XRN2: variants seen among roughly 807,000 people sequenced by gnomAD.
XRN2 encodes 5'-3' exoribonuclease 2, also known as DHM1-like protein.
A neutral mutation model predicts 138.5 loss-of-function variants in XRN2; 44 were observed. That is an observed-to-expected ratio of 0.32 (90% CI 0.25 to 0.41). The LOEUF (loss-of-function observed/expected upper bound fraction) is 0.41. Among genes scored for constraint, XRN2 ranks in the 10% least tolerant of loss-of-function variants. The pLI, the probability that XRN2 is intolerant of heterozygous loss-of-function variation, is 1.00. For synonymous variants in XRN2, 354 were observed against 369.4 expected, an observed-to-expected ratio of 0.96 and a Z score of 0.48; for missense variants, 937 against 1,169.3, an observed-to-expected ratio of 0.80 and a Z score of 2.90.
Position 21,377,257 on chromosome 20 carries a change from G to GTTTTTTTTTTTTTTT in XRN2, c.2585-4731_2585-4730insTTTTTTTTTTTTTTT, listed in dbSNP as rs1166479171. On this transcript the variant is annotated intron_variant, in intron 27 of 29. Coordinates refer to ENST00000377191, the MANE Select transcript of XRN2 (RefSeq NM_012255.5). ...GCATAGTCCAACATATGATTTGTCGGTTTTTTCTTTTTTTTTTTTTTGGTC... is the reference window on the plus strand; with the variant it reads ...GCATAGTCCAACATATGATTTGTCGGTTTTTTTTTTTTTTTTTTTTTCTTTTTTTTTTTTTTGGTC... Among the ~76,000 whole-genome samples, 2 of 30,312 alleles carry GTTTTTTTTTTTTTTT rather than the reference G, an allele frequency of 6.6e-5. 1 individual carries two copies. Among genetic ancestry groups the GTTTTTTTTTTTTTTT allele is most frequent in the Non-Finnish European group, 1.1e-4 (2 of 17,492 alleles). 19.9% of individuals were successfully genotyped at this position (30,312 alleles called of 152,430 possible).
At chr20:21,368,808 T>A (rs1219014178) in intron 27 of XRN2, among the ~76,000 whole-genome samples, 1 of 152,188 alleles carries the variant, frequency 6.6e-6, no homozygotes, top group African/African-American at 2.4e-5. Flanking sequence ...TGTATATATT[T>A]ATGGGGAACA....
At chr20:21,306,930 C>G (rs2037818898) in intron 1 of XRN2, among the ~76,000 whole-genome samples, 1 of 76,186 alleles carries the variant, frequency 1.3e-5, no homozygotes, top group African/African-American at 3.6e-5. Context: ...CACTTGCACC[C>G]GGGAGACAGA....
At chr20:21,349,162 A>G (rs1009374018) in intron 19 of XRN2, among the ~76,000 whole-genome samples, 1 of 152,202 alleles carries the variant, frequency 6.6e-6, no homozygotes, top group Non-Finnish European at 1.5e-5. Context: ...ATAGTTGTCA[A>G]TTCTAAAATT....
rs569383604 is a variant in XRN2 at position 21,343,817 on chromosome 20, CT to C, written c.1411-264del. 3.1e-3 allele frequency among the ~76,000 whole-genome samples: 472 copies of C among 150,724 alleles called. 3 individuals are homozygous for C. The highest frequency in any genetic ancestry group is 0.011 in the African/African-American group (445 of 41,132). ...TTTTTAAAAATCTATAAAATTAAAA[CT>C]TTTTTTTTCTTCAGAAACTTTTTTT... On this transcript the variant is annotated intron_variant, in intron 15 of 29. Transcript: ENST00000377191.
At chr20:21,351,191 A>G (rs1263591627) in intron 20 of XRN2, among the ~76,000 whole-genome samples, 2 of 152,206 alleles carry the variant, frequency 1.3e-5, no homozygotes, top group Non-Finnish European at 1.5e-5. Context: ...TATTTTCAAT[A>G]TAACTTAACT....
At position 21,356,131 on chromosome 20, in the gene XRN2, C is replaced by T; in HGVS notation, c.2072C>T (p.Pro691Leu). The change falls in exon 22 of 30, where the codon CCA (proline) becomes CTA (leucine). Residue 691 changes from proline (P) to leucine (L), a missense_variant. By Grantham distance (98) the Pro-to-Leu change is moderately conservative. Coordinates refer to ENST00000377191, the MANE Select transcript of XRN2 (RefSeq NM_012255.5). The stretch of plus-strand genomic sequence containing the variant: ...GTCTTATTTGTGGGGAAACATCACC[C>T]ACTCCATGACTTCATTTTAGAGCTG... ...GDVLFVGKHH[P>L]LHDFILELYQ... 6.2e-7 allele frequency: 1 copy of T among 1,612,630 alleles called. No homozygotes were observed. Among genetic ancestry groups the T allele is most frequent in the Non-Finnish European group, 8.5e-7 (1 of 1,179,142 alleles).
At chr20:21,362,963 C>T (rs2038654191) in intron 24 of XRN2, among the ~76,000 whole-genome samples, 1 of 152,180 alleles carries the variant, frequency 6.6e-6, no homozygotes, top group Non-Finnish European at 1.5e-5. Context: ...TAAAACTGTA[C>T]TGTTCCTTGG....
intron 27 of XRN2, among the ~76,000 whole-genome samples, chr20:21,372,680 GTAACA>G (rs1336624109): frequency 6.6e-6 from 1 of 152,076 alleles, no homozygotes; most frequent in East Asian, 1.9e-4. Flanking sequence ...TTATTGAAAT[GTAACA>G]TATGTAAAGT....
chr20:21,350,568 A>T (rs1012940081), intron 20 of XRN2, among the ~76,000 whole-genome samples: 1 of 149,980 alleles, frequency 6.7e-6, no homozygotes, highest in Admixed American at 6.6e-5. Flanking sequence ...TATCTCTTAC[A>T]CAGTAAACCA....
intron 21 of XRN2, among the ~76,000 whole-genome samples, 183 bp from the exon 22 acceptor site, chr20:21,355,897 C>G (rs967451217): frequency 6.6e-6 from 1 of 152,072 alleles, no homozygotes; most frequent in Admixed American, 6.6e-5. Context: ...ACTAACTTCT[C>G]CACAGTACTA....
chr20:21,362,563 T>C (rs143142385), intron 24 of XRN2, among the ~76,000 whole-genome samples: 7 of 152,334 alleles, frequency 4.6e-5, no homozygotes, highest in South Asian at 4.1e-4. Context: ...CTCTGCTCTC[T>C]CGCACACTGC....
chr20:21,371,957 G>A (rs554721291), intron 27 of XRN2, among the ~76,000 whole-genome samples: 67 of 152,218 alleles, frequency 4.4e-4, no homozygotes, highest in African/African-American at 1.6e-3. Context: ...ATATTACTTT[G>A]GTTAAATAAC....
intron 20 of XRN2, among the ~76,000 whole-genome samples, chr20:21,349,879 C>T: frequency 6.6e-6 from 1 of 152,142 alleles, no homozygotes; most frequent in East Asian, 1.9e-4. Flanking sequence ...TTCTTAGAAG[C>T]AGTAAATTGG....
intron 1 of XRN2, among the ~76,000 whole-genome samples, chr20:21,310,987 G>A (rs187560386): frequency 1.3e-5 from 2 of 151,904 alleles, no homozygotes; most frequent in African/African-American, 2.4e-5. Context: ...TCCTGACCTC[G>A]TGATCTGCCC....
chr20:21,363,186 T>C (rs2038656839), intron 24 of XRN2, among the ~76,000 whole-genome samples: 1 of 152,200 alleles, frequency 6.6e-6, no homozygotes, highest in Non-Finnish European at 1.5e-5. Context: ...TGACTCAGCA[T>C]CTTTTCTGTG....
intron 1 of XRN2, among the ~76,000 whole-genome samples, chr20:21,322,664 T>C (rs2038062653): frequency 6.6e-6 from 1 of 152,244 alleles, no homozygotes. Flanking sequence ...ATTTTAGGGA[T>C]ATACTTCAAA....
chr20:21,320,444 C>T (rs1347793398), intron 1 of XRN2, among the ~76,000 whole-genome samples: 3 of 151,534 alleles, frequency 2.0e-5, no homozygotes, highest in South Asian at 2.1e-4. Context: ...GCACTACGGG[C>T]GCCTGCCACC....
At chr20:21,348,316 T>C in intron 18 of XRN2, 25 bp from the exon 19 acceptor site, 1 of 1,612,306 alleles carries the variant, frequency 6.2e-7, no homozygotes, top group African/African-American at 1.3e-5. Flanking sequence ...TAATCTTGGG[T>C]CTTTAATGTT....
chr20:21,351,962 G>A (rs372601922), intron 20 of XRN2, among the ~76,000 whole-genome samples: 37 of 152,068 alleles, frequency 2.4e-4, no homozygotes, highest in African/African-American at 8.0e-4. Flanking sequence ...AATTACTGTC[G>A]CTTTGTAGTG....
Sources: allele counts gnomAD v4.1 joint callset (sites outside exome capture counted in the v4.1 genomes callset), GRCh38; gene constraint gnomAD v4.1.1; transcripts MANE v1.5; gene names NCBI Gene and HGNC (gene_info 2026-07-23, HGNC 2026-07-21).